COBLL1: variants seen among roughly 807,000 people sequenced by gnomAD.
COBLL1 encodes the protein cordon-bleu protein-like 1.
COBLL1 carries 50 observed loss-of-function variants against 94.8 expected under a neutral mutation model. That is an observed-to-expected ratio of 0.53 (90% CI 0.42 to 0.67). The LOEUF (loss-of-function observed/expected upper bound fraction) is 0.67. Ranked by LOEUF, COBLL1 falls within the 30% of genes least tolerant of loss-of-function variation. The pLI is 0.00. For missense variants in COBLL1, 1,362 were observed against 1,348.7 expected (o/e 1.01, Z -0.15); for synonymous variants, 448 against 473.8 (o/e 0.95, Z 0.71).
At chr2:164,743,557 T>A (rs1182315170) in intron 3 of COBLL1, 130 bp downstream of exon 3, 4 of 724,124 alleles carry the variant, frequency 5.5e-6, no homozygotes, top group Non-Finnish European at 9.1e-6. Context: ...TCTTTTTTTT[T>A]AACAGGTAAC....
At chr2:164,659,895 T>TTA (rs1385438291) in intron 2 of COBLL1, among the ~76,000 whole-genome samples, 1 of 152,182 alleles carries the variant, frequency 6.6e-6, no homozygotes, top group African/African-American at 2.4e-5. Flanking sequence ...GGAAATAACT[T>TTA]TATAGAGAAA....
In COBLL1 at chr2:164,722,316, T is replaced by C; in HGVS notation, c.760-5A>G. On this transcript the variant is annotated splice_polypyrimidine_tract_variant and splice_region_variant and intron_variant, in intron 6 of 13. Coordinates refer to ENST00000652658, the MANE Select transcript of COBLL1 (RefSeq NM_001365672.2). ...GGTTGCAGGGGCACTTGCAGTCTAG[T>C]AAAGAATGACAAAGACAAAATCTAG... 6.2e-7 allele frequency: 1 copy of C among 1,608,856 alleles called. No individual in the cohort carries two copies. The highest frequency in any genetic ancestry group is 1.1e-5 in the South Asian group (1 of 90,538).
chr2:164,818,325 T>C (rs1420077399), intron 2 of COBLL1, among the ~76,000 whole-genome samples: 3 of 150,202 alleles, frequency 2.0e-5, no homozygotes, highest in Non-Finnish European at 4.5e-5. Flanking sequence ...CGTGTGTATG[T>C]ATACATATAT....
intron 2 of COBLL1, among the ~76,000 whole-genome samples, chr2:164,815,875 T>C (rs1684713947): frequency 6.6e-6 from 1 of 152,094 alleles, no homozygotes; most frequent in Non-Finnish European, 1.5e-5. Context: ...AAGACTCAAA[T>C]TCCTCCACTG....
At chr2:164,794,241 T>C (rs575616888) in intron 2 of COBLL1, among the ~76,000 whole-genome samples, 1 of 152,338 alleles carries the variant, frequency 6.6e-6, no homozygotes, top group African/African-American at 2.4e-5. Flanking sequence ...GTGATAGCAG[T>C]ACCTATTCTT....
At chr2:164,815,429 T>G (rs935716483) in intron 2 of COBLL1, among the ~76,000 whole-genome samples, 2 of 147,114 alleles carry the variant, frequency 1.4e-5, no homozygotes, top group Non-Finnish European at 3.0e-5. Context: ...TTCACAGAAA[T>G]GCATACTTTC....
chr2:164,784,480 C>T (rs893225355), intron 2 of COBLL1, among the ~76,000 whole-genome samples: 4 of 152,130 alleles, frequency 2.6e-5, no homozygotes, highest in South Asian at 2.1e-4. Context: ...GATCCACATA[C>T]GTAATTATTT....
intron 2 of COBLL1, among the ~76,000 whole-genome samples, chr2:164,801,622 T>G (rs1380052305): frequency 6.6e-6 from 1 of 152,040 alleles, no homozygotes; most frequent in Non-Finnish European, 1.5e-5. Flanking sequence ...TATCTCAATT[T>G]TTTTTTAATT....
Position 164,692,370 on chromosome 2 carries a change from T to G in COBLL1, c.3151A>C (p.Asn1051His). ...TCAGTTGGAGTTGGTATTTGGGAATTCTGTTCATTATGTGCAGAGTTATTT... is the reference window on the plus strand; with the variant it reads ...TCAGTTGGAGTTGGTATTTGGGAATGCTGTTCATTATGTGCAGAGTTATTT... ...KENNSAHNEQ[N>H]SQIPTPTDGP... is the part of the protein sequence containing the mutation. The change falls in exon 13 of 14, where the codon AAT becomes CAT. Residue 1051 changes from asparagine to histidine, a missense_variant. Coordinates refer to ENST00000652658, the MANE Select transcript of COBLL1 (RefSeq NM_001365672.2). The G allele has an allele frequency of 6.2e-7, 1 of 1,611,976 alleles. No individual in the cohort carries two copies. The highest frequency in any genetic ancestry group is 1.1e-5 in the South Asian group (1 of 90,682).
At chr2:164,804,831 C>A (rs556094564) in intron 2 of COBLL1, among the ~76,000 whole-genome samples, 42 of 152,268 alleles carry the variant, frequency 2.8e-4, no homozygotes, top group Non-Finnish European at 5.6e-4. Context: ...CAGCTCAAAT[C>A]GACCTCTCCT....
chr2:164,738,154 A>C (rs761880037), intron 3 of COBLL1: 1 of 152,162 alleles, frequency 6.6e-6, no homozygotes, highest in Non-Finnish European at 1.5e-5. Context: ...TCTGTTATAA[A>C]TGGTGCTTAT....
At chr2:164,752,885 G>A (rs1164881660) in intron 2 of COBLL1, among the ~76,000 whole-genome samples, 1 of 152,132 alleles carries the variant, frequency 6.6e-6, no homozygotes, top group Non-Finnish European at 1.5e-5. Flanking sequence ...ACAAAATACA[G>A]GTATTGAACA....
At chr2:164,758,971 C>A (rs1046784650) in intron 2 of COBLL1, among the ~76,000 whole-genome samples, 9 of 151,492 alleles carry the variant, frequency 5.9e-5, no homozygotes, top group Admixed American at 1.3e-4. Flanking sequence ...ATTTCAAACA[C>A]ACACTAGGTT....
intron 2 of COBLL1, among the ~76,000 whole-genome samples, chr2:164,763,919 C>T (rs889926433): frequency 6.6e-6 from 1 of 152,178 alleles, no homozygotes; most frequent in Non-Finnish European, 1.5e-5. Context: ...ATGTTTGAGA[C>T]AGGGTCTCGC....
intron 2 of COBLL1, among the ~76,000 whole-genome samples, chr2:164,812,416 T>G (rs1684503509): frequency 6.6e-6 from 1 of 152,030 alleles, no homozygotes; most frequent in Non-Finnish European, 1.5e-5. Context: ...ATAAACTACT[T>G]AGTTCCTGTC....
intron 7 of COBLL1, among the ~76,000 whole-genome samples, chr2:164,707,361 G>A (rs1362657535): frequency 2.0e-5 from 3 of 151,976 alleles, no homozygotes; most frequent in Admixed American, 1.3e-4. Context: ...GGCTGCTCTC[G>A]AACTCCTGAC....
chr2:164,757,424 C>A (rs1415277227), intron 2 of COBLL1, among the ~76,000 whole-genome samples: 1 of 152,120 alleles, frequency 6.6e-6, no homozygotes. Context: ...ATCCCTGTTA[C>A]ATTTTTGTTT....
intron 2 of COBLL1, among the ~76,000 whole-genome samples, chr2:164,744,725 C>T (rs954038628): frequency 2.0e-5 from 3 of 152,122 alleles, no homozygotes; most frequent in East Asian, 1.9e-4. Context: ...GGCTATTTCC[C>T]ACTGTACCTA....
At chr2:164,728,604 C>T (rs1472700091) in intron 4 of COBLL1, among the ~76,000 whole-genome samples, 2 of 151,790 alleles carry the variant, frequency 1.3e-5, no homozygotes, top group East Asian at 3.9e-4. Flanking sequence ...TTCTCTATTG[C>T]CTCAATAAAA....
Sources: gnomAD v4.1 joint callset for allele counts (sites outside exome capture counted in the v4.1 genomes callset) on GRCh38, gnomAD v4.1.1 for gene constraint, MANE v1.5 for transcripts, NCBI Gene and HGNC (gene_info 2026-07-23, HGNC 2026-07-21) for gene names.